Variants in FAM24B observed in about 807,000 individuals in gnomAD.
FAM24B encodes family with sequence similarity 24 member B, also known as protein FAM24B.
In FAM24B, 3 loss-of-function variants were observed where a neutral mutation model predicts 2.3. That is an observed-to-expected ratio of 1.29 (90% confidence interval 0.59 to 3.32). The LOEUF is 3.32. Among genes scored for constraint, FAM24B ranks in the 30% most tolerant of loss-of-function variants. FAM24B has a pLI of 0.03. For missense variants in FAM24B, 98 were observed against 117.2 expected (o/e 0.84, Z 0.76); for synonymous variants, 36 against 46.3 (o/e 0.78, Z 0.90).
chr10:122,859,445 C>G (rs1163073803), intron 1 of FAM24B, among the ~76,000 whole-genome samples: 1 of 152,174 alleles, frequency 6.6e-6, no homozygotes, highest in Non-Finnish European at 1.5e-5. Flanking sequence ...GAGAGATGGC[C>G]TTGTTGCAGC....
intron 2 of FAM24B, among the ~76,000 whole-genome samples, chr10:122,851,786 C>T (rs1847542460): frequency 6.6e-6 from 1 of 152,038 alleles, no homozygotes. Flanking sequence ...CAGACATTGG[C>T]CCTACTAGAA....
intron 1 of FAM24B, among the ~76,000 whole-genome samples, chr10:122,871,028 T>C (rs1174976536): frequency 6.6e-6 from 1 of 152,224 alleles, no homozygotes; most frequent in Non-Finnish European, 1.5e-5. Flanking sequence ...ATTGTAAATC[T>C]AGAAAACCCC....
At chr10:122,867,860 C>T (rs1202536703) in intron 1 of FAM24B, among the ~76,000 whole-genome samples, 9 of 152,212 alleles carry the variant, frequency 5.9e-5, no homozygotes, top group African/African-American at 1.2e-4. Context: ...GCCGAAAAAC[C>T]GGAAACTCTA....
At chr10:122,858,137 A>G (rs1847667911) in intron 1 of FAM24B, among the ~76,000 whole-genome samples, 1 of 152,224 alleles carries the variant, frequency 6.6e-6, no homozygotes, top group Admixed American at 6.5e-5. Flanking sequence ...ACAATAGCAA[A>G]GACTTGGAAC....
intron 1 of FAM24B, among the ~76,000 whole-genome samples, chr10:122,878,170 C>T (rs1848008728): frequency 6.6e-6 from 1 of 152,136 alleles, no homozygotes; most frequent in South Asian, 2.1e-4. Flanking sequence ...GAGGGAAAAG[C>T]ATGTACAAAA....
chr10:122,873,631 A>G (rs1319282360), intron 1 of FAM24B, among the ~76,000 whole-genome samples: 1 of 152,246 alleles, frequency 6.6e-6, no homozygotes, highest in East Asian at 1.9e-4. Context: ...AGGCTTTAGT[A>G]GCCATAGATA....
chr10:122,862,232 C>T (rs1386955780), intron 1 of FAM24B, among the ~76,000 whole-genome samples: 1 of 152,200 alleles, frequency 6.6e-6, no homozygotes, highest in Admixed American at 6.5e-5. Context: ...ACAAGACACC[C>T]TCTATCTTAT....
chr10:122,855,960 C>T (rs1430193333), intron 1 of FAM24B, among the ~76,000 whole-genome samples, 174 bp from the exon 2 acceptor site: 5 of 152,182 alleles, frequency 3.3e-5, no homozygotes, highest in East Asian at 1.9e-4. Flanking sequence ...AACAAGGCAG[C>T]GCTGACGCAC....
chr10:122,873,356 T>C (rs1025906878), intron 1 of FAM24B, among the ~76,000 whole-genome samples: 1 of 152,262 alleles, frequency 6.6e-6, no homozygotes, highest in African/African-American at 2.4e-5. Context: ...CTTTGCTTTA[T>C]AAATGGAACA....
chr10:122,850,339 C>T (rs1375302467), intron 3 of FAM24B, 85 bp downstream of exon 3: 2 of 1,103,656 alleles, frequency 1.8e-6, no homozygotes, highest in Admixed American at 1.7e-5. Context: ...AACAGGAAGC[C>T]CAGGTATCCC....
chr10:122,861,936 G>C (rs555726821), intron 1 of FAM24B, among the ~76,000 whole-genome samples: 1 of 147,660 alleles, frequency 6.8e-6, no homozygotes, highest in African/African-American at 2.6e-5. Flanking sequence ...TGACCTACAC[G>C]GACCTTCATA....
chr10:122,859,163 G>C (rs1399343258), intron 1 of FAM24B, among the ~76,000 whole-genome samples: 2 of 152,148 alleles, frequency 1.3e-5, no homozygotes, highest in African/African-American at 4.8e-5. Context: ...TTAGTACTCA[G>C]ACACTGAAAG....
intron 2 of FAM24B, among the ~76,000 whole-genome samples, chr10:122,851,688 A>G (rs1454903565): frequency 1.3e-5 from 2 of 152,224 alleles, no homozygotes; most frequent in African/African-American, 4.8e-5. Context: ...ATTATTTTAA[A>G]TGTCCAGTTT....
At chr10:122,851,107 C>T (rs1258865487) in intron 2 of FAM24B, among the ~76,000 whole-genome samples, 1 of 152,184 alleles carries the variant, frequency 6.6e-6, no homozygotes, top group African/African-American at 2.4e-5. Context: ...CATTTTTCCT[C>T]CTAAATCTTA....
At chr10:122,867,891 C>T (rs1439431713) in intron 1 of FAM24B, among the ~76,000 whole-genome samples, 1 of 152,208 alleles carries the variant, frequency 6.6e-6, no homozygotes, top group African/African-American at 2.4e-5. Context: ...CGCCTCTCCT[C>T]CTCCAAAGGA....
chr10:122,870,468 G>C (rs1330200011), intron 1 of FAM24B, among the ~76,000 whole-genome samples: 2 of 152,094 alleles, frequency 1.3e-5, no homozygotes, highest in African/African-American at 2.4e-5. Context: ...CCAAAGCCCG[G>C]CAGAGACACA....
At chr10:122,868,440 A>G (rs1437203460) in intron 1 of FAM24B, among the ~76,000 whole-genome samples, 7 of 152,200 alleles carry the variant, frequency 4.6e-5, no homozygotes, top group Admixed American at 4.6e-4. Flanking sequence ...GAACGCCACA[A>G]AGATACTCCT....
At chr10:122,864,835 G>A (rs1847777319) in intron 1 of FAM24B, among the ~76,000 whole-genome samples, 1 of 152,158 alleles carries the variant, frequency 6.6e-6, no homozygotes, top group African/African-American at 2.4e-5. Flanking sequence ...AGCCTTTTAA[G>A]GCTAACTGGT....
intron 1 of FAM24B, among the ~76,000 whole-genome samples, chr10:122,858,370 A>C (rs1014884501): frequency 7.0e-6 from 1 of 142,358 alleles, no homozygotes; most frequent in African/African-American, 2.6e-5. Context: ...ACTTGGACAC[A>C]GGAAGGGGAA....
Sources: allele counts gnomAD v4.1 joint callset (sites outside exome capture counted in the v4.1 genomes callset), GRCh38; gene constraint gnomAD v4.1.1; transcripts MANE v1.5; gene names NCBI Gene and HGNC (gene_info 2026-07-23, HGNC 2026-07-21).